The following RBPJ variants were observed in gnomAD, a reference collection of about 807,000 sequenced individuals.
RBPJ encodes the protein recombining binding protein suppressor of hairless.
In RBPJ, 9 loss-of-function variants were observed where a neutral mutation model predicts 67.8. That is an observed-to-expected ratio of 0.13 (90% CI 0.08 to 0.23). RBPJ has a LOEUF of 0.23. Among genes scored for constraint, RBPJ ranks in the 10% least tolerant of loss-of-function variants. The pLI, the probability that RBPJ is intolerant of heterozygous loss-of-function variation, is 1.00. For synonymous variants in RBPJ, 198 were observed against 203.3 expected (o/e 0.97, Z 0.22); for missense variants, 305 against 595.6 (o/e 0.51, Z 5.08).
the RBPJ span, among the ~76,000 whole-genome samples, chr4:26,107,452 C>T: frequency 6.6e-6 from 1 of 152,248 alleles, no homozygotes; most frequent in Non-Finnish European, 1.5e-5. Context: ...TGTTTGGCTT[C>T]TCAAAGTGCC....
At chr4:26,251,151 T>A (rs1038732405) in intron 1 of RBPJ, among the ~76,000 whole-genome samples, 1 of 152,236 alleles carries the variant, frequency 6.6e-6, no homozygotes, top group African/African-American at 2.4e-5. Context: ...AATGTTGGTG[T>A]CCCTATGTGC....
intron 2 of RBPJ, among the ~76,000 whole-genome samples, chr4:26,387,753 C>T (rs1476522409): frequency 6.6e-6 from 1 of 152,042 alleles, no homozygotes; most frequent in Non-Finnish European, 1.5e-5. Context: ...AAAAATATCC[C>T]AAAAAATCAG....
At chr4:26,215,406 G>GGGAAGAAA (rs1718685131) in intron 1 of RBPJ, among the ~76,000 whole-genome samples, 18 of 72,738 alleles carry the variant, frequency 2.5e-4, no homozygotes, top group African/African-American at 6.4e-4. Context: ...AGGAAGGGGG[G>GGGAAGAAA]GGAAGGAAGG....
chr4:26,275,707 T>C (rs1721056504), intron 1 of RBPJ, among the ~76,000 whole-genome samples: 1 of 152,130 alleles, frequency 6.6e-6, no homozygotes. Context: ...CTCGGCTCAC[T>C]GCAACCTCCG....
intron 5 of RBPJ, among the ~76,000 whole-genome samples, chr4:26,423,591 G>T (rs984518707): frequency 2.0e-5 from 3 of 152,114 alleles, no homozygotes; most frequent in Non-Finnish European, 4.4e-5. Context: ...GCACTAGGAG[G>T]TATATTATGT....
intron 1 of RBPJ, among the ~76,000 whole-genome samples, chr4:26,210,571 T>A (rs1718348822): frequency 6.6e-6 from 1 of 152,318 alleles, no homozygotes; most frequent in Admixed American, 6.5e-5. Context: ...ATTTCAAATA[T>A]CAATGAGGCT....
At chr4:26,211,984 C>T (rs1018445962) in intron 1 of RBPJ, among the ~76,000 whole-genome samples, 2 of 152,070 alleles carry the variant, frequency 1.3e-5, no homozygotes, top group African/African-American at 2.4e-5. Flanking sequence ...CAAGGATCAC[C>T]AAAGATTGCC....
intron 1 of RBPJ, among the ~76,000 whole-genome samples, chr4:26,178,605 A>G (rs1206380102): frequency 8.4e-6 from 1 of 118,998 alleles, no homozygotes; most frequent in Non-Finnish European, 1.9e-5. Context: ...AAGACCCCGT[A>G]TCAAAAAAAA....
At position 26,335,267 on chromosome 4, in the gene RBPJ, C is replaced by T. The variant is rs754021034; in HGVS notation, c.20+14219C>T. 6.6e-5 allele frequency among the ~76,000 whole-genome samples: 10 copies of T among 152,060 alleles called. No homozygotes were observed. The South Asian group carries it at 8.3e-4, about 13-fold the overall frequency. The stretch of plus-strand genomic sequence containing the variant: ...CGTGATCTCGGCTCACTGGAACCTC[C>T]GCCTCCTGGGTTCAAGTGATTCTCC... On this transcript the variant is annotated intron_variant, in intron 1 of 10. Transcript: ENST00000355476.
intron 1 of RBPJ, among the ~76,000 whole-genome samples, chr4:26,357,042 A>G (rs1291258908): frequency 1.3e-5 from 2 of 152,158 alleles, no homozygotes. Context: ...GGTGTAGAGT[A>G]TGGGAAGCAG....
chr4:26,279,704 G>A (rs1721198280), intron 1 of RBPJ, among the ~76,000 whole-genome samples: 1 of 151,960 alleles, frequency 6.6e-6, no homozygotes, highest in Admixed American at 6.6e-5. Context: ...GAAGATGGCA[G>A]GTTTTTGCAT....
chr4:26,151,267 T>C, the RBPJ span, among the ~76,000 whole-genome samples: 1 of 152,148 alleles, frequency 6.6e-6, no homozygotes, highest in African/African-American at 2.4e-5. Context: ...AAAAAATTAG[T>C]CAGCCATGAC....
intron 1 of RBPJ, among the ~76,000 whole-genome samples, chr4:26,247,855 G>T (rs969186710): frequency 1.3e-5 from 2 of 152,132 alleles, no homozygotes; most frequent in African/African-American, 4.8e-5. Flanking sequence ...AGAGAGGAAG[G>T]AGTGCAATAG....
intron 1 of RBPJ, among the ~76,000 whole-genome samples, chr4:26,210,687 CTTTCTTTCTTTCT>C (rs1718362012): frequency 5.0e-4 from 3 of 6,012 alleles, no homozygotes; most frequent in African/African-American, 6.7e-4. Flanking sequence ...TCTTTCTTTC[CTTTCTTTCTTTCT>C]TTCTTTCCTT....
chr4:26,269,497 C>T lies in RBPJ; in HGVS notation c.-166-92949C>T, dbSNP rs753054272. On this transcript the variant is annotated intron_variant, in intron 1 of 4. Transcript: ENST00000512351. The stretch of plus-strand genomic sequence containing the variant: ...TCTCGATCTCCTGACCTCAAATGAT[C>T]GGCCAGCCTCGGCCTCCCAAAGTGC... Among the ~76,000 whole-genome samples, 11 of 152,228 alleles carry T rather than the reference C, an allele frequency of 7.2e-5. No homozygotes were observed. The East Asian group carries it at 7.7e-4, about 11-fold the overall frequency.
chr4:26,278,608 A>G (rs992559857), intron 1 of RBPJ, among the ~76,000 whole-genome samples: 1 of 152,242 alleles, frequency 6.6e-6, no homozygotes, highest in Non-Finnish European at 1.5e-5. Context: ...GAAATAGACT[A>G]ATCAATCCAA....
At chr4:26,297,501 C>G (rs1459476156) in intron 1 of RBPJ, among the ~76,000 whole-genome samples, 1 of 151,852 alleles carries the variant, frequency 6.6e-6, no homozygotes, top group Non-Finnish European at 1.5e-5. Flanking sequence ...CCTTCGCTTC[C>G]ACGTGTTATT....
chr4:26,247,585 T>A (rs1220466965), intron 1 of RBPJ, among the ~76,000 whole-genome samples: 1 of 152,200 alleles, frequency 6.6e-6, no homozygotes, highest in Admixed American at 6.5e-5. Flanking sequence ...TAATTTGGTA[T>A]TTTTAGTAGA....
At chr4:26,248,531 C>T (rs1305142625) in intron 1 of RBPJ, among the ~76,000 whole-genome samples, 1 of 152,066 alleles carries the variant, frequency 6.6e-6, no homozygotes, top group Non-Finnish European at 1.5e-5. Context: ...TTGTTGAAGT[C>T]AAGAGTATTT....
Sources: allele counts gnomAD v4.1 joint callset (sites outside exome capture counted in the v4.1 genomes callset), GRCh38; gene constraint gnomAD v4.1.1; transcripts MANE v1.5; gene names NCBI Gene and HGNC (gene_info 2026-07-23, HGNC 2026-07-21).